ZNF565: variants seen among roughly 807,000 people sequenced by gnomAD.
ZNF565 encodes the protein zinc finger protein 565.
A neutral mutation model predicts 39.4 loss-of-function variants in ZNF565; 27 were observed. The ratio of observed to expected loss-of-function variants is 0.69; its 90% CI spans 0.51 to 0.95. ZNF565 has a LOEUF of 0.95. Ranked by LOEUF, ZNF565 falls within the 40% of genes least tolerant of loss-of-function variation. The pLI is 0.00. For synonymous variants in ZNF565, 185 were observed against 216.6 expected, an observed-to-expected ratio of 0.85 and a Z score of 1.28; for missense variants, 524 against 621.1, an observed-to-expected ratio of 0.84 and a Z score of 1.66.
intron 1 of ZNF565, chr19:36,235,990 G>GT (rs772470565): frequency 1.2e-5 from 2 of 161,252 alleles, no homozygotes; most frequent in Non-Finnish European, 2.7e-5. Context: ...TAAAACGTTT[G>GT]TACCTCATCT....
chr19:36,199,051 T>C (rs1371286082), intron 2 of ZNF565, among the ~76,000 whole-genome samples: 3 of 152,160 alleles, frequency 2.0e-5, no homozygotes, highest in African/African-American at 4.8e-5. Flanking sequence ...TAAATATATA[T>C]ACCATGTACT....
intron 1 of ZNF565, chr19:36,237,114 C>T (rs1300899869): frequency 1.2e-6 from 2 of 1,614,028 alleles, no homozygotes; most frequent in Non-Finnish European, 1.7e-6. Context: ...TCTCAGAGCT[C>T]ATCTCTCACT....
intron 1 of ZNF565, chr19:36,236,448 A>G: frequency 6.2e-7 from 1 of 1,600,866 alleles, no homozygotes; most frequent in South Asian, 1.1e-5. Flanking sequence ...CAGATGTCAC[A>G]CCTCAGCCAG....
intron 4 of ZNF565, among the ~76,000 whole-genome samples, chr19:36,186,235 G>A (rs1370357231): frequency 1.3e-5 from 2 of 152,100 alleles, no homozygotes; most frequent in Non-Finnish European, 2.9e-5. Context: ...CTGACGTCAC[G>A]TGATCCAGCC....
At chr19:36,193,954 A>C (rs181535289) in intron 4 of ZNF565, among the ~76,000 whole-genome samples, 26 of 152,268 alleles carry the variant, frequency 1.7e-4, no homozygotes, top group African/African-American at 6.0e-4. Context: ...AAGGATACAA[A>C]GTACAGGTAA....
chr19:36,209,569 A>G (rs1976279246), intron 1 of ZNF565, among the ~76,000 whole-genome samples: 1 of 129,558 alleles, frequency 7.7e-6, no homozygotes. Flanking sequence ...GAGAGAAGAA[A>G]TGATGACTCA....
intron 1 of ZNF565, chr19:36,237,779 T>A (rs1388346262): frequency 6.0e-6 from 1 of 167,240 alleles, no homozygotes. Context: ...TTATTAGAAT[T>A]TGGAATATGA....
At chr19:36,228,721 T>G (rs1461083438) in intron 1 of ZNF565, 1 of 152,236 alleles carries the variant, frequency 6.6e-6, no homozygotes, top group African/African-American at 2.4e-5. Flanking sequence ...GCATTAACAT[T>G]GTAATACTGT....
At position 36,183,075 on chromosome 19, in the gene ZNF565, A is replaced by C. The variant is rs750603515; in HGVS notation, c.891T>G (p.His297Gln). 1 of 1,614,164 alleles carries C rather than the reference A, an allele frequency of 6.2e-7. No individual in the cohort carries two copies. The highest frequency in any genetic ancestry group is 1.1e-5 in the South Asian group (1 of 91,080). Residue 297 changes from histidine to glutamine, a missense_variant, in exon 5 of 5, where the codon CAT becomes CAG. By Grantham distance (24) the His-to-Gln change is conservative (BLOSUM62 0). Coordinates refer to ENST00000304116, the MANE Select transcript of ZNF565 (RefSeq NM_152477.5). The part of the protein sequence containing the change: ...AFIRGSQLTV[H>Q]RRIHTGARPY... ...GTCTGGCCCCTGTGTGGATTCTCCG[A>C]TGCACAGTGAGTTGGGAGCCACGAA...
intron 1 of ZNF565, chr19:36,236,659 A>G (rs1194517844): frequency 1.2e-6 from 2 of 1,614,230 alleles, no homozygotes; most frequent in Admixed American, 3.3e-5. Context: ...AGCTTTTCGA[A>G]TGTAATGAAT....
chr19:36,215,737 A>G (rs1192520507), upstream of ZNF565, among the ~76,000 whole-genome samples: 1 of 152,028 alleles, frequency 6.6e-6, no homozygotes, highest in Non-Finnish European at 1.5e-5. Context: ...TCAAATCCCC[A>G]TCTTTGGGGT....
At chr19:36,241,620 C>T (rs1010223155) in intron 1 of ZNF565, among the ~76,000 whole-genome samples, 3 of 151,200 alleles carry the variant, frequency 2.0e-5, no homozygotes, top group Admixed American at 2.0e-4. Context: ...TGGTGAAACC[C>T]TGTCTACTAA....
intron 1 of ZNF565, among the ~76,000 whole-genome samples, chr19:36,241,352 C>A (rs573531371): frequency 6.6e-6 from 1 of 151,530 alleles, no homozygotes. Context: ...GATGTGGTAG[C>A]GGGGGCCAGT....
chr19:36,233,387 C>T (rs373447161), intron 1 of ZNF565, among the ~76,000 whole-genome samples: 3 of 152,018 alleles, frequency 2.0e-5, no homozygotes, highest in African/African-American at 4.8e-5. Context: ...CAGCTGTGGG[C>T]GTTTCTCGTC....
chr19:36,195,190 A>G, intron 2 of ZNF565, 34 bp from the exon 3 acceptor site: 1 of 1,576,830 alleles, frequency 6.3e-7, no homozygotes, highest in Non-Finnish European at 8.6e-7. Context: ...AGTGTACATT[A>G]AGAAACTTTT....
intron 2 of ZNF565, among the ~76,000 whole-genome samples, chr19:36,201,713 A>G (rs7251727): frequency 0.65 from 98,765 of 151,840 alleles, 32,486 homozygotes; most frequent in African/African-American, 0.75. Context: ...GGCCTCAAGC[A>G]ATCGGCCCAC....
At chr19:36,214,559 G>A (rs1468211408) in intron 1 of ZNF565, 63 bp downstream of exon 1, 1 of 153,334 alleles carries the variant, frequency 6.5e-6, no homozygotes, top group East Asian at 1.9e-4. Flanking sequence ...GCTCCCGCCT[G>A]CGCGCACAGA....
At chr19:36,189,050 G>C (rs979580827) in intron 4 of ZNF565, among the ~76,000 whole-genome samples, 9 of 152,084 alleles carry the variant, frequency 5.9e-5, no homozygotes, top group South Asian at 2.1e-4. Context: ...TTGTTTAATG[G>C]GTACAGAGTT....
intron 1 of ZNF565, among the ~76,000 whole-genome samples, chr19:36,224,794 G>A (rs1268956868): frequency 6.6e-6 from 1 of 152,066 alleles, no homozygotes; most frequent in African/African-American, 2.4e-5. Context: ...CTTTATGTAC[G>A]TGATACGTAT....
Sources: allele counts gnomAD v4.1 joint callset (sites outside exome capture counted in the v4.1 genomes callset), GRCh38; gene constraint gnomAD v4.1.1; transcripts MANE v1.5; gene names NCBI Gene and HGNC (gene_info 2026-07-23, HGNC 2026-07-21).